Variants in CWC27 observed in about 807,000 individuals in gnomAD.
CWC27 encodes CWC27 spliceosome associated cyclophilin.
A neutral mutation model predicts 63.6 loss-of-function variants in CWC27; 47 were observed. The observed-to-expected ratio is 0.74, with a 90% confidence interval of 0.58 to 0.94. The LOEUF is 0.94. Among genes scored for constraint, CWC27 ranks in the 40% least tolerant of loss-of-function variants. The probability of loss-of-function intolerance (pLI) is 0.00; values close to 1 mark genes in which losing one functional copy is unlikely to be tolerated. For synonymous variants in CWC27, 175 were observed against 179.8 expected (o/e 0.97, Z 0.22); for missense variants, 495 against 554.3 (o/e 0.89, Z 1.07).
At chr5:64,787,102 G>A (rs1174650241) in intron 6 of CWC27, among the ~76,000 whole-genome samples, 2 of 152,084 alleles carry the variant, frequency 1.3e-5, no homozygotes, top group Admixed American at 1.3e-4. Flanking sequence ...AACAGCTTTG[G>A]GGACACCACC....
At chr5:64,998,515 A>G (rs1182100079) in intron 13 of CWC27, among the ~76,000 whole-genome samples, 3 of 152,182 alleles carry the variant, frequency 2.0e-5, no homozygotes, top group Non-Finnish European at 4.4e-5. Flanking sequence ...TACGTCTTTC[A>G]TATTTACTCC....
Position 64,981,408 on chromosome 5 carries a change from A to G in CWC27, c.1256+4170A>G, listed in dbSNP as rs367559688. On this transcript the variant is annotated intron_variant, in intron 13 of 13. Transcript: ENST00000381070. ...ACTTTTCCTTATCATGTATAATTTTATGATGTAATTTTTATCTTTTGTATT... is the reference window on the plus strand; with the variant it reads ...ACTTTTCCTTATCATGTATAATTTTGTGATGTAATTTTTATCTTTTGTATT... 3.4e-4 allele frequency among the ~76,000 whole-genome samples: 51 copies of G among 152,238 alleles called. No individual in the cohort carries two copies. The East Asian group carries it at 8.7e-3, about 26-fold the overall frequency.
At chr5:64,817,057 G>C (rs1054858249) in intron 10 of CWC27, among the ~76,000 whole-genome samples, 3 of 151,968 alleles carry the variant, frequency 2.0e-5, no homozygotes, top group Middle Eastern at 3.2e-3. Flanking sequence ...CTGTGTCCTG[G>C]TCCTCATATC....
intron 2 of CWC27, among the ~76,000 whole-genome samples, chr5:64,781,416 CA>C (rs1238002031): frequency 1.7e-4 from 26 of 152,210 alleles, no homozygotes; most frequent in African/African-American, 6.3e-4. Context: ...AAAGAGGAAG[CA>C]GTGGGAAATA....
intron 10 of CWC27, among the ~76,000 whole-genome samples, chr5:64,814,031 G>A (rs1744959519): frequency 6.6e-6 from 1 of 151,596 alleles, no homozygotes; most frequent in African/African-American, 2.4e-5. Flanking sequence ...AGCCCATCCT[G>A]GGCTTTCTTG....
At chr5:64,847,090 A>T (rs988201448) in intron 10 of CWC27, among the ~76,000 whole-genome samples, 39 of 152,172 alleles carry the variant, frequency 2.6e-4, no homozygotes, top group African/African-American at 8.9e-4. Flanking sequence ...TCTAATAAAA[A>T]GACAGTTACT....
At chr5:64,944,227 T>C (rs1748545024) in intron 11 of CWC27, among the ~76,000 whole-genome samples, 1 of 152,042 alleles carries the variant, frequency 6.6e-6, no homozygotes, top group African/African-American at 2.4e-5. Context: ...CTCTAACTAC[T>C]GTCCTTTAGC....
chr5:64,944,996 T>C (rs1352215433), intron 11 of CWC27, among the ~76,000 whole-genome samples: 1 of 152,142 alleles, frequency 6.6e-6, no homozygotes, highest in African/African-American at 2.4e-5. Flanking sequence ...TTCTCTCTCA[T>C]TCATGCTGTT....
intron 10 of CWC27, among the ~76,000 whole-genome samples, chr5:64,860,416 T>C (rs1320882047): frequency 1.3e-5 from 2 of 152,196 alleles, no homozygotes; most frequent in African/African-American, 4.8e-5. Context: ...GTGCCTGTGT[T>C]ACCCTATGAA....
chr5:65,007,472 C>T (rs1749867481), intron 13 of CWC27, among the ~76,000 whole-genome samples: 1 of 152,152 alleles, frequency 6.6e-6, no homozygotes, highest in South Asian at 2.1e-4. Context: ...TTTATTTTCT[C>T]ACAGTTCTGT....
At chr5:64,877,397 C>A (rs1407708517) in intron 10 of CWC27, among the ~76,000 whole-genome samples, 1 of 151,844 alleles carries the variant, frequency 6.6e-6, no homozygotes, top group Non-Finnish European at 1.5e-5. Flanking sequence ...ATGATAGATA[C>A]CAGAGGCATC....
At chr5:64,809,764 GTTGT>G (rs1744811540) in intron 10 of CWC27, among the ~76,000 whole-genome samples, 1 of 152,118 alleles carries the variant, frequency 6.6e-6, no homozygotes, top group South Asian at 2.1e-4. Context: ...TTGCTGTTGA[GTTGT>G]TTGAGTTCCT....
At chr5:64,941,528 A>G (rs1748480024) in intron 11 of CWC27, among the ~76,000 whole-genome samples, 1 of 152,192 alleles carries the variant, frequency 6.6e-6, no homozygotes, top group Non-Finnish European at 1.5e-5. Context: ...TACAGAAAAT[A>G]TAAAACATTT....
chr5:64,954,230 T>C (rs1003363051), intron 11 of CWC27, among the ~76,000 whole-genome samples: 1 of 152,142 alleles, frequency 6.6e-6, no homozygotes, highest in Non-Finnish European at 1.5e-5. Flanking sequence ...ACCAAAAGCA[T>C]AGGTCTCCAA....
chr5:64,772,624 C>CAAAAAA (rs58675990), intron 1 of CWC27, among the ~76,000 whole-genome samples: 1 of 52,144 alleles, frequency 1.9e-5, no homozygotes, highest in Non-Finnish European at 3.8e-5. Flanking sequence ...GACTCTGTCT[C>CAAAAAA]AAAAAAAAAA....
At chr5:64,797,597 C>G (rs956500416) in intron 7 of CWC27, among the ~76,000 whole-genome samples, 1 of 152,074 alleles carries the variant, frequency 6.6e-6, no homozygotes. Context: ...CTTTTTCCTT[C>G]CAGCTATTTA....
At chr5:64,875,638 T>C (rs970814378) in intron 10 of CWC27, among the ~76,000 whole-genome samples, 1 of 152,168 alleles carries the variant, frequency 6.6e-6, no homozygotes, top group Non-Finnish European at 1.5e-5. Flanking sequence ...TAATTTTTAG[T>C]TTTTTTAAAA....
At position 65,005,881 on chromosome 5, in the gene CWC27, C is replaced by G. The variant is rs367566187; in HGVS notation, c.1257-12278C>G. ...TCCAAGTAATATTTTAAAACATACT[C>G]TAGAAATCCTAGGAAAATATCAAAA... On this transcript the variant is annotated intron_variant, in intron 13 of 13. Transcript: ENST00000381070. Among the ~76,000 whole-genome samples the G allele has an allele frequency of 5.3e-5, 8 of 152,212 alleles. 1 individual carries two copies. The South Asian group carries it at 1.0e-3, about 20-fold the overall frequency.
intron 11 of CWC27, among the ~76,000 whole-genome samples, chr5:64,950,311 T>G (rs1027534227): frequency 6.7e-6 from 1 of 149,546 alleles, no homozygotes; most frequent in Non-Finnish European, 1.5e-5. Context: ...CATATAAGTG[T>G]TTTTTTTCCA....
Sources: gnomAD v4.1 joint callset for allele counts (sites outside exome capture counted in the v4.1 genomes callset) on GRCh38, gnomAD v4.1.1 for gene constraint, MANE v1.5 for transcripts, NCBI Gene and HGNC (gene_info 2026-07-23, HGNC 2026-07-21) for gene names.